MEOX2: variants seen among roughly 807,000 people sequenced by gnomAD.
MEOX2 encodes the protein mesenchyme homeobox 2, also known as homeobox protein MOX-2.
A neutral mutation model predicts 27.0 loss-of-function variants in MEOX2; 11 were observed. The ratio of observed to expected loss-of-function variants is 0.41; its 90% confidence interval spans 0.26 to 0.68. The LOEUF is 0.68. Ranked by LOEUF, MEOX2 falls within the 30% of genes least tolerant of loss-of-function variation. The pLI, the probability that MEOX2 is intolerant of heterozygous loss-of-function variation, is 0.33. For missense variants in MEOX2, 436 were observed against 385.4 expected (o/e 1.13, Z -1.10); for synonymous variants, 189 against 155.4 (o/e 1.22, Z -1.61).
chr7:15,628,268 C>A (rs1781347125), intron 1 of MEOX2, among the ~76,000 whole-genome samples: 1 of 151,920 alleles, frequency 6.6e-6, no homozygotes. Context: ...GAGGACCCTG[C>A]ATAATGGAAA....
chr7:15,640,359 A>G (rs1311566052), intron 1 of MEOX2, among the ~76,000 whole-genome samples: 1 of 151,904 alleles, frequency 6.6e-6, no homozygotes, highest in African/African-American at 2.4e-5. Flanking sequence ...AATGAAATTG[A>G]TTTTTATACA....
intron 1 of MEOX2, among the ~76,000 whole-genome samples, chr7:15,652,586 A>G (rs1244019850): frequency 6.6e-6 from 1 of 152,064 alleles, no homozygotes; most frequent in Admixed American, 6.6e-5. Context: ...ATTCTAAAAA[A>G]CTAAGCCACT....
At chr7:15,643,562 T>A in intron 1 of MEOX2, among the ~76,000 whole-genome samples, 1 of 152,274 alleles carries the variant, frequency 6.6e-6, no homozygotes, top group Middle Eastern at 3.4e-3. Flanking sequence ...CTTCCTCCCA[T>A]GTCCAGCCCA....
intron 1 of MEOX2, among the ~76,000 whole-genome samples, chr7:15,662,360 A>G (rs1781931280): frequency 6.6e-6 from 1 of 152,002 alleles, no homozygotes; most frequent in Non-Finnish European, 1.5e-5. Flanking sequence ...AATTAAGTAG[A>G]TAGGGAAGGA....
rs748751582 is a variant in MEOX2 at position 15,685,951 on chromosome 7, C to T, written c.452G>A (p.Arg151His). ...GAACAPGDYG[R>H]QALSPAEAEK... Reference sequence around the variant, plus strand: ...CGCCTCCGCAGGTGACAGTGCCTGGCGGCCGTAGTCCCCCGGCGCGCACGC... The same window carrying T: ...CGCCTCCGCAGGTGACAGTGCCTGGTGGCCGTAGTCCCCCGGCGCGCACGC... Residue 151 changes from arginine (R) to histidine (H), a missense_variant, in exon 1 of 3, where the codon CGC (arginine) becomes CAC (histidine). By Grantham distance (29) the Arg-to-His change is conservative. Coordinates refer to ENST00000262041, the MANE Select transcript of MEOX2 (RefSeq NM_005924.5). 1 of 1,611,352 alleles carries T rather than the reference C, an allele frequency of 6.2e-7. No individual in the cohort carries two copies.
chr7:15,656,928 TC>T lies in MEOX2; in HGVS notation c.517+28957del, dbSNP rs36068680. 2.8e-4 allele frequency among the ~76,000 whole-genome samples: 42 copies of T among 152,174 alleles called. No individual in the cohort carries two copies. The South Asian group carries it at 8.7e-3, about 32-fold the overall frequency. The stretch of plus-strand genomic sequence containing the variant: ...TCCTTCACTTGAGAATGTCATGATC[TC>T]CCTGTCATTCCTGAGAATATTTTTT... On this transcript the variant is annotated intron_variant, in intron 1 of 2. Coordinates refer to ENST00000262041, the MANE Select transcript of MEOX2 (RefSeq NM_005924.5).
At chr7:15,625,790 A>C (rs548454067) in intron 2 of MEOX2, among the ~76,000 whole-genome samples, 1 of 152,352 alleles carries the variant, frequency 6.6e-6, no homozygotes, top group South Asian at 2.1e-4. Flanking sequence ...GAATCTGTAC[A>C]AGGAATTCAC....
At chr7:15,673,010 T>A (rs1254919934) in intron 1 of MEOX2, among the ~76,000 whole-genome samples, 1 of 152,184 alleles carries the variant, frequency 6.6e-6, no homozygotes, top group African/African-American at 2.4e-5. Context: ...TGCCCAAGCA[T>A]CTTCGAAATT....
chr7:15,634,431 C>G (rs1428769492), intron 1 of MEOX2, among the ~76,000 whole-genome samples: 5 of 151,906 alleles, frequency 3.3e-5, no homozygotes, highest in African/African-American at 9.7e-5. Context: ...GAATTTCAGA[C>G]AAACAATAAA....
intron 1 of MEOX2, among the ~76,000 whole-genome samples, chr7:15,664,518 G>A (rs1018051638): frequency 5.9e-5 from 9 of 152,114 alleles, no homozygotes; most frequent in Non-Finnish European, 7.4e-5. Flanking sequence ...GATGCTTGAT[G>A]TTTACTCCTC....
At position 15,686,469 on chromosome 7, in the gene MEOX2, A is replaced by G. The variant is rs1408341013; in HGVS notation, c.-67T>C. The G allele has an allele frequency of 1.0e-5, 14 of 1,374,118 alleles. No homozygotes were observed. Among genetic ancestry groups the G allele is most frequent in the Non-Finnish European group, 1.4e-5 (14 of 1,021,732 alleles). 85.1% of individuals were successfully genotyped at this position (1,374,118 alleles called of 1,614,324 possible). Reference sequence around the variant, plus strand: ...GTTCCAAAGGCCACCACCCTCTGTCACTTTTTCACTGGAAACCGTGTGATT... The same window carrying G: ...GTTCCAAAGGCCACCACCCTCTGTCGCTTTTTCACTGGAAACCGTGTGATT... On this transcript the variant is annotated 5_prime_UTR_variant, in exon 1 of 3. Coordinates refer to ENST00000262041, the MANE Select transcript of MEOX2 (RefSeq NM_005924.5).
At chr7:15,630,991 G>A (rs1781391668) in intron 1 of MEOX2, among the ~76,000 whole-genome samples, 1 of 151,770 alleles carries the variant, frequency 6.6e-6, no homozygotes, top group South Asian at 2.1e-4. Context: ...CAGTCATAGC[G>A]AGCTACTATG....
At chr7:15,639,927 T>C (rs1483828132) in intron 1 of MEOX2, among the ~76,000 whole-genome samples, 1 of 152,088 alleles carries the variant, frequency 6.6e-6, no homozygotes, top group Non-Finnish European at 1.5e-5. Context: ...TTGTTTTTTG[T>C]TTGTTTGTTT....
At chr7:15,613,132 T>C (rs1209551378) in intron 2 of MEOX2, among the ~76,000 whole-genome samples, 2 of 152,250 alleles carry the variant, frequency 1.3e-5, no homozygotes, top group Non-Finnish European at 2.9e-5. Context: ...CACCTCACAC[T>C]GAGCCTATCT....
intron 2 of MEOX2, among the ~76,000 whole-genome samples, chr7:15,621,355 T>A (rs1583741629): frequency 6.6e-6 from 1 of 152,220 alleles, no homozygotes; most frequent in African/African-American, 2.4e-5. Context: ...TGATTTTCTT[T>A]AACACTTGTG....
At chr7:15,621,286 A>T (rs1433409716) in intron 2 of MEOX2, among the ~76,000 whole-genome samples, 1 of 152,228 alleles carries the variant, frequency 6.6e-6, no homozygotes, top group East Asian at 1.9e-4. Context: ...AACATTATAT[A>T]ATTAAAATAT....
chr7:15,675,904 C>A (rs1026048247), intron 1 of MEOX2: 1 of 152,138 alleles, frequency 6.6e-6, no homozygotes, highest in African/African-American at 2.4e-5. Context: ...ACTCTCTGTT[C>A]CTTTAAACTT....
chr7:15,633,884 A>G (rs918971405), intron 1 of MEOX2, among the ~76,000 whole-genome samples: 1 of 151,900 alleles, frequency 6.6e-6, no homozygotes, highest in Admixed American at 6.6e-5. Context: ...CGATCTGATT[A>G]TAGATTATAA....
intron 1 of MEOX2, chr7:15,680,257 G>T (rs949431980): frequency 2.6e-5 from 4 of 151,566 alleles, no homozygotes; most frequent in Admixed American, 2.6e-4. Flanking sequence ...AGCACAAATG[G>T]ATCAATAGAT....
Sources: gnomAD v4.1 joint callset for allele counts (sites outside exome capture counted in the v4.1 genomes callset) on GRCh38, gnomAD v4.1.1 for gene constraint, MANE v1.5 for transcripts, NCBI Gene and HGNC (gene_info 2026-07-23, HGNC 2026-07-21) for gene names.